The following ZNF516 variants were observed in gnomAD, a reference collection of about 807,000 sequenced individuals.
ZNF516 encodes zinc finger protein 516.
A neutral mutation model predicts 79.7 loss-of-function variants in ZNF516; 19 were observed. The observed-to-expected ratio is 0.24, with a 90% CI of 0.17 to 0.35. ZNF516 has a LOEUF of 0.35. Ranked by LOEUF, ZNF516 falls within the 10% of genes least tolerant of loss-of-function variation. The pLI is 1.00. For synonymous variants in ZNF516, 877 were observed against 739.5 expected (o/e 1.19, Z -3.02); for missense variants, 1,678 against 1,679.5 (o/e 1.00, Z 0.02).
rs772145716 is a variant in ZNF516 at position 76,441,315 on chromosome 18, G to T, written c.1740C>A (p.Ser580=). ...SPGSACAAAD[S]PGSGLADEAA... ...CCTCGTCGGCCAGGCCAGAGCCCGG[G>T]GAGTCAGCAGCGGCACAGGCGGAGC... Residue 580 remains serine (S), a synonymous_variant, in exon 3 of 7, where the codon TCC becomes TCA. Transcript: ENST00000443185. The T allele has an allele frequency of 1.7e-5, 27 of 1,611,676 alleles. No individual in the cohort carries two copies. The South Asian group carries it at 2.4e-4, about 14-fold the overall frequency.
chr18:76,495,927 C>A, upstream of ZNF516: 1 of 332,320 alleles, frequency 3.0e-6, no homozygotes, highest in Non-Finnish European at 5.3e-6. Flanking sequence ...AGACTTCAAA[C>A]AGCGGCTCTG....
chr18:76,405,877 T>C (rs1030669392), intron 3 of ZNF516, among the ~76,000 whole-genome samples: 2 of 151,960 alleles, frequency 1.3e-5, no homozygotes, highest in African/African-American at 4.8e-5. Context: ...CCCCGTCCCA[T>C]GGGTGATGAG....
chr18:76,377,272 C>T (rs928837786), intron 4 of ZNF516, among the ~76,000 whole-genome samples: 2 of 152,250 alleles, frequency 1.3e-5, no homozygotes, highest in African/African-American at 2.4e-5. Flanking sequence ...CTCAAGCCAA[C>T]GTGAATGACG....
At chr18:76,424,542 C>CT (rs2075563051) in intron 3 of ZNF516, among the ~76,000 whole-genome samples, 3 of 143,640 alleles carry the variant, frequency 2.1e-5, no homozygotes, top group African/African-American at 5.3e-5. Context: ...AAAAGGCTCC[C>CT]CCCGAAACAC....
Position 76,398,087 on chromosome 18 carries a change from T to A in ZNF516, c.1811-17784A>T, listed in dbSNP as rs554892786. On this transcript the variant is annotated intron_variant, in intron 3 of 6. Coordinates refer to ENST00000443185, the MANE Select transcript of ZNF516 (RefSeq NM_014643.4). ...GCAGTTTATCCGGCATAAAACATAA[T>A]CAGGTTCCAGAAACCTGGAATTTAC... Among the ~76,000 whole-genome samples the A allele has an allele frequency of 3.9e-5, 6 of 152,270 alleles. 1 individual carries two copies. The South Asian group carries it at 8.3e-4, about 21-fold the overall frequency.
intron 2 of ZNF516, among the ~76,000 whole-genome samples, chr18:76,443,590 A>G (rs532493054): frequency 1.3e-5 from 2 of 152,162 alleles, no homozygotes; most frequent in East Asian, 3.8e-4. Flanking sequence ...AAGGTTTAGG[A>G]AAAGGGCAGG....
intron 1 of ZNF516, among the ~76,000 whole-genome samples, chr18:76,477,369 A>C (rs72983936): frequency 0.067 from 10,168 of 152,252 alleles, 430 homozygotes; most frequent in Non-Finnish European, 0.096. Context: ...TGAACATCAG[A>C]TCCATAAGCA....
intron 3 of ZNF516, among the ~76,000 whole-genome samples, chr18:76,412,683 A>G (rs1164390508): frequency 1.3e-5 from 2 of 152,210 alleles, no homozygotes; most frequent in Admixed American, 1.3e-4. Context: ...AGTCGTTGCC[A>G]AGATGTGGCC....
In ZNF516 at chr18:76,441,432, G is replaced by T; in HGVS notation, c.1623C>A (p.Arg541=). Residue 541 remains arginine (R), a synonymous_variant, in exon 3 of 7, where the codon CGC becomes CGA. Transcript: ENST00000443185. ...VLHSRVHRRA[R]RERDSDGDRA... is the part of the protein sequence containing the mutation. ...TGTCCCCGTCACTGTCCCTCTCGCG[G>T]CGCGCGCGGCGATGCACGCGTGAGT... 1.2e-6 allele frequency: 2 copies of T among 1,607,056 alleles called. No individual in the cohort carries two copies. Among genetic ancestry groups the T allele is most frequent in the Non-Finnish European group, 1.7e-6 (2 of 1,177,992 alleles).
chr18:76,389,276 T>G (rs1312649173), intron 3 of ZNF516: 1 of 148,590 alleles, frequency 6.7e-6, no homozygotes, highest in Non-Finnish European at 1.5e-5. Context: ...GGCCTGCACA[T>G]TCTCCAAAAA....
At chr18:76,464,312 C>T (rs751983565) in intron 1 of ZNF516, among the ~76,000 whole-genome samples, 2 of 152,150 alleles carry the variant, frequency 1.3e-5, no homozygotes, top group Admixed American at 6.5e-5. Context: ...GTGCAGGTTG[C>T]AGTGAGTCGA....
intron 2 of ZNF516, among the ~76,000 whole-genome samples, chr18:76,445,674 C>A (rs553953260): frequency 3.7e-4 from 56 of 152,302 alleles, no homozygotes; most frequent in Non-Finnish European, 6.5e-4. Context: ...CTCCCCTGGA[C>A]CTCCAACGTT....
chr18:76,477,928 G>C (rs896490165), intron 1 of ZNF516, among the ~76,000 whole-genome samples: 1 of 152,024 alleles, frequency 6.6e-6, no homozygotes, highest in Non-Finnish European at 1.5e-5. Context: ...AACCAGTATT[G>C]TTATCCATTT....
At chr18:76,378,561 A>C (rs2074826628) in intron 4 of ZNF516, among the ~76,000 whole-genome samples, 1 of 152,212 alleles carries the variant, frequency 6.6e-6, no homozygotes, top group Non-Finnish European at 1.5e-5. Flanking sequence ...TCCTCTCAGC[A>C]GGAAGGAAGC....
At chr18:76,373,996 C>G (rs2074747869) in intron 4 of ZNF516, among the ~76,000 whole-genome samples, 4 of 152,220 alleles carry the variant, frequency 2.6e-5, no homozygotes, top group Admixed American at 2.6e-4. Flanking sequence ...AGAAAAAGGC[C>G]TGGCCAACTT....
intron 2 of ZNF516, among the ~76,000 whole-genome samples, chr18:76,446,968 C>T (rs545194983): frequency 1.2e-4 from 18 of 152,322 alleles, no homozygotes; most frequent in Admixed American, 1.0e-3. Flanking sequence ...AGCAAAGCTG[C>T]CTCTGCCCAG....
chr18:76,406,635 A>G (rs553477311), intron 3 of ZNF516, among the ~76,000 whole-genome samples: 9 of 151,970 alleles, frequency 5.9e-5, no homozygotes, highest in Admixed American at 3.9e-4. Flanking sequence ...TCTCCCCTAA[A>G]TCTCCCCTTT....
At chr18:76,362,594 A>C (rs2144865691) in intron 6 of ZNF516, 37 bp from the exon 7 acceptor site, 554 of 1,566,640 alleles carry the variant, frequency 3.5e-4, no homozygotes, top group Non-Finnish European at 4.4e-4. Flanking sequence ...AGAAAAGCTC[A>C]TTTCTGCCTT....
chr18:76,480,524 C>CATAT lies in ZNF516; in HGVS notation c.-272+14616_-272+14619dup, dbSNP rs1555720224. ...ACACACACACACACACACACACACACATATATTTTTTTTTTTGAGACGGAG... is the reference window on the plus strand; with the variant it reads ...ACACACACACACACACACACACACACATATATATATTTTTTTTTTTGAGACGGAG... On this transcript the variant is annotated intron_variant, in intron 1 of 6. Transcript: ENST00000443185. 3.0e-3 allele frequency among the ~76,000 whole-genome samples: 352 copies of CATAT among 116,466 alleles called. 7 individuals are homozygous for CATAT. The highest frequency in any genetic ancestry group is 0.012 in the African/African-American group (332 of 28,556). 76.4% of individuals were successfully genotyped at this position (116,466 alleles called of 152,430 possible).
Sources: allele counts gnomAD v4.1 joint callset (sites outside exome capture counted in the v4.1 genomes callset), GRCh38; gene constraint gnomAD v4.1.1; transcripts MANE v1.5; gene names NCBI Gene and HGNC (gene_info 2026-07-23, HGNC 2026-07-21).